RELL1: variants seen among roughly 807,000 people sequenced by gnomAD.
The protein encoded by RELL1 is RELT like 1.
Under a neutral mutation model 23.0 loss-of-function variants are expected in RELL1, and 10 were observed. The observed-to-expected ratio is 0.43, with a 90% confidence interval of 0.27 to 0.74. RELL1 has a LOEUF of 0.74. Among genes scored for constraint, RELL1 ranks in the 30% least tolerant of loss-of-function variants. The probability of loss-of-function intolerance (pLI) is 0.19; values close to 1 mark genes in which losing one functional copy is unlikely to be tolerated. For missense variants in RELL1, 315 were observed against 364.4 expected (o/e 0.86, Z 1.10); for synonymous variants, 146 against 146.8 (o/e 0.99, Z 0.04).
At chr4:37,590,989 G>A in exon 7 of RELL1, 1 of 1,609,906 alleles carries the variant, frequency 6.2e-7, no homozygotes, top group Non-Finnish European at 8.5e-7. Context: ...AGATTTGGAT[G>A]AGACTGATTA....
At chr4:37,598,078 A>AATATATATATATATATATAT (rs138367525) in intron 6 of RELL1, among the ~76,000 whole-genome samples, 1,444 of 126,608 alleles carry the variant, frequency 0.011, 18 homozygotes, top group Non-Finnish European at 0.014. Context: ...TATATATCAT[A>AATATATATATATATATATAT]ATATATATAT....
intron 1 of RELL1, among the ~76,000 whole-genome samples, chr4:37,682,872 C>T (rs1193968743): frequency 4.6e-5 from 7 of 152,182 alleles, no homozygotes; most frequent in African/African-American, 1.7e-4. Flanking sequence ...CTCTTCCACC[C>T]ACTCCTTACT....
At chr4:37,640,340 A>C (rs1720484411) in intron 3 of RELL1, among the ~76,000 whole-genome samples, 1 of 152,258 alleles carries the variant, frequency 6.6e-6, no homozygotes, top group African/African-American at 2.4e-5. Flanking sequence ...TGCACAATAA[A>C]GAAGACAGTT....
intron 1 of RELL1, among the ~76,000 whole-genome samples, chr4:37,684,189 C>T (rs1722322840): frequency 6.6e-6 from 1 of 152,192 alleles, no homozygotes; most frequent in Non-Finnish European, 1.5e-5. Flanking sequence ...CTTCCCTATG[C>T]TCAAGGTACA....
intron 1 of RELL1, among the ~76,000 whole-genome samples, chr4:37,682,935 T>C (rs1207266915): frequency 2.6e-5 from 4 of 152,208 alleles, no homozygotes; most frequent in Non-Finnish European, 4.4e-5. Context: ...GAAGGTTGAG[T>C]AACCAGAGAA....
chr4:37,650,973 T>C (rs3860060), intron 1 of RELL1, among the ~76,000 whole-genome samples: 90,928 of 150,652 alleles, frequency 0.6, 27,629 homozygotes, highest in Middle Eastern at 0.68. Context: ...GTGAGAGGAT[T>C]GCTTGAGCCT....
chr4:37,647,506 A>T, intron 2 of RELL1, 67 bp from the exon 3 acceptor site: 1 of 1,076,476 alleles, frequency 9.3e-7, no homozygotes, highest in Non-Finnish European at 1.4e-6. Flanking sequence ...AATCAATCTT[A>T]GAACCCAAGA....
intron 6 of RELL1, among the ~76,000 whole-genome samples, chr4:37,625,250 G>T (rs1052340166): frequency 2.6e-5 from 4 of 152,076 alleles, no homozygotes; most frequent in Admixed American, 6.5e-5. Flanking sequence ...AAATGCTACT[G>T]TAATACTGCA....
intron 1 of RELL1, among the ~76,000 whole-genome samples, chr4:37,678,688 CAAT>C (rs377018578): frequency 6.6e-6 from 1 of 152,272 alleles, no homozygotes; most frequent in South Asian, 2.1e-4. Context: ...TTAGCCTAGG[CAAT>C]AATAATAATA....
intron 1 of RELL1, among the ~76,000 whole-genome samples, chr4:37,679,693 C>T (rs1236058688): frequency 6.6e-6 from 1 of 152,066 alleles, no homozygotes; most frequent in African/African-American, 2.4e-5. Flanking sequence ...GGTGGTGCAT[C>T]CCTATAATCC....
chr4:37,680,108 G>T (rs1414050268), intron 1 of RELL1, among the ~76,000 whole-genome samples: 3 of 152,146 alleles, frequency 2.0e-5, no homozygotes, highest in Non-Finnish European at 4.4e-5. Context: ...AAAACTAGAA[G>T]AAAACAAAAT....
chr4:37,668,415 G>A (rs948462730), intron 1 of RELL1, among the ~76,000 whole-genome samples: 3 of 152,258 alleles, frequency 2.0e-5, no homozygotes, highest in African/African-American at 7.2e-5. Context: ...ACGGGGTTTC[G>A]CTGTGTTGGC....
chr4:37,618,731 T>C (rs1719659870), intron 6 of RELL1, among the ~76,000 whole-genome samples: 1 of 152,220 alleles, frequency 6.6e-6, no homozygotes, highest in South Asian at 2.1e-4. Flanking sequence ...AATAATTTGG[T>C]CAAAGAGTAC....
At chr4:37,644,498 G>A (rs1720641827) in intron 3 of RELL1, among the ~76,000 whole-genome samples, 1 of 150,168 alleles carries the variant, frequency 6.7e-6, no homozygotes, top group Non-Finnish European at 1.5e-5. Flanking sequence ...GTCTCACTCT[G>A]TCGCCCAGGC....
chr4:37,624,326 A>G (rs1275236614), intron 6 of RELL1, among the ~76,000 whole-genome samples: 1 of 152,180 alleles, frequency 6.6e-6, no homozygotes, highest in Non-Finnish European at 1.5e-5. Context: ...GATTTTTATA[A>G]TAAAAAGAAC....
downstream of RELL1, chr4:37,590,707 G>A: frequency 6.2e-7 from 1 of 1,614,138 alleles, no homozygotes; most frequent in Non-Finnish European, 8.5e-7. Flanking sequence ...TGAATCCCTA[G>A]AGGGAATTCA....
chr4:37,645,126 A>G (rs1323924229), intron 3 of RELL1, among the ~76,000 whole-genome samples: 1 of 152,334 alleles, frequency 6.6e-6, no homozygotes, highest in East Asian at 1.9e-4. Flanking sequence ...AACCCCTGGC[A>G]AGGTTCTCAC....
At position 37,664,095 on chromosome 4, in the gene RELL1, C is replaced by T. The variant is rs116404026; in HGVS notation, c.89-14595G>A. On this transcript the variant is annotated intron_variant, in intron 1 of 6. Coordinates refer to ENST00000454158, the MANE Select transcript of RELL1 (RefSeq NM_001085400.2). ...ATTTTAACTGCAAAAAACAAAAGATCGACCGGGCGCAGTGGCTCATGCCTG... is the reference window on the plus strand; with the variant it reads ...ATTTTAACTGCAAAAAACAAAAGATTGACCGGGCGCAGTGGCTCATGCCTG... Among the ~76,000 whole-genome samples the T allele has an allele frequency of 6.1e-3, 935 of 152,136 alleles. 12 individuals carry two copies. Among genetic ancestry groups the T allele is most frequent in the African/African-American group, 0.022 (892 of 41,484 alleles).
At position 37,645,544 on chromosome 4, in the gene RELL1, T is replaced by C. The variant is rs188543238; in HGVS notation, c.385+1824A>G. Reference sequence around the variant, plus strand: ...TATTTTAAACATCATCCGAGTAAGTTTGGTTGTCTGACTTTATAGACTGCA... The same window carrying C: ...TATTTTAAACATCATCCGAGTAAGTCTGGTTGTCTGACTTTATAGACTGCA... On this transcript the variant is annotated intron_variant, in intron 3 of 6. Transcript: ENST00000454158. 2.1e-3 allele frequency among the ~76,000 whole-genome samples: 315 copies of C among 152,344 alleles called. 1 individual carries two copies. The highest frequency in any genetic ancestry group is 3.9e-3 in the Non-Finnish European group (266 of 68,040).
Sources: gnomAD v4.1 joint callset for allele counts (sites outside exome capture counted in the v4.1 genomes callset) on GRCh38, gnomAD v4.1.1 for gene constraint, MANE v1.5 for transcripts, NCBI Gene and HGNC (gene_info 2026-07-23, HGNC 2026-07-21) for gene names.